Variants in PTPRG observed in about 807,000 individuals in gnomAD.
The protein encoded by PTPRG is receptor-type tyrosine-protein phosphatase gamma.
PTPRG carries 102 observed loss-of-function variants against 165.3 expected under a neutral mutation model. The ratio of observed to expected loss-of-function variants is 0.62; its 90% CI spans 0.53 to 0.73. The LOEUF is 0.73. Among genes scored for constraint, PTPRG ranks in the 30% least tolerant of loss-of-function variants. The probability of loss-of-function intolerance (pLI) is 0.00; values close to 1 mark genes in which losing one functional copy is unlikely to be tolerated. For missense variants in PTPRG, 1,866 were observed against 1,861.4 expected, an observed-to-expected ratio of 1.00 and a Z score of -0.05; for synonymous variants, 675 against 669.5, an observed-to-expected ratio of 1.01 and a Z score of -0.13.
intron 8 of PTPRG, among the ~76,000 whole-genome samples, chr3:62,173,776 G>C (rs895541443): frequency 7.2e-5 from 11 of 152,142 alleles, no homozygotes; most frequent in African/African-American, 2.4e-4. Flanking sequence ...GTGAACTTGA[G>C]GCAGCCAGTG....
chr3:61,994,890 G>A (rs2107704323), intron 3 of PTPRG, among the ~76,000 whole-genome samples: 1 of 152,192 alleles, frequency 6.6e-6, no homozygotes, highest in Non-Finnish European at 1.5e-5. Flanking sequence ...GGTCAAGCAA[G>A]TATCTGGAGT....
intron 1 of PTPRG, among the ~76,000 whole-genome samples, chr3:61,622,286 T>A (rs1254792867): frequency 6.6e-6 from 1 of 152,206 alleles, no homozygotes; most frequent in Non-Finnish European, 1.5e-5. Flanking sequence ...TAGCTTTTGG[T>A]TGCATCAGAA....
At chr3:61,724,016 G>A (rs1486026756) in intron 1 of PTPRG, among the ~76,000 whole-genome samples, 1 of 152,132 alleles carries the variant, frequency 6.6e-6, no homozygotes, top group Non-Finnish European at 1.5e-5. Flanking sequence ...TGGATCACTT[G>A]AGGTCAAGAG....
At position 61,798,739 on chromosome 3, in the gene PTPRG, G is replaced by A. The variant is rs889638507; in HGVS notation, c.190+49757G>A. On this transcript the variant is annotated intron_variant, in intron 2 of 29. Coordinates refer to ENST00000474889, the MANE Select transcript of PTPRG (RefSeq NM_002841.4). The stretch of plus-strand genomic sequence containing the variant: ...TCTGTAGCATCTTCCAATAAAAGTT[G>A]GCTCAACAACAGCCCATCTGATAAC... Among the ~76,000 whole-genome samples the A allele has an allele frequency of 9.8e-4, 148 of 151,252 alleles. 1 individual carries two copies. The highest frequency in any genetic ancestry group is 3.3e-3 in the African/African-American group (135 of 41,186).
intron 10 of PTPRG, among the ~76,000 whole-genome samples, chr3:62,199,149 T>G (rs1365543929): frequency 6.6e-6 from 1 of 152,140 alleles, no homozygotes; most frequent in East Asian, 1.9e-4. Flanking sequence ...CTGTCTTAAC[T>G]AGGGGAGGCA....
At position 62,235,260 on chromosome 3, in the gene PTPRG, G is replaced by T. The variant is rs1045007380; in HGVS notation, c.2375+3949G>T. ...GTGCCTTAAAACTGTGGCAAATGAG[G>T]TGGAGAGCCCCTCAAGCCTCAGTCC... On this transcript the variant is annotated intron_variant, in intron 14 of 29. Coordinates refer to ENST00000474889, the MANE Select transcript of PTPRG (RefSeq NM_002841.4). 5.3e-5 allele frequency among the ~76,000 whole-genome samples: 8 copies of T among 152,258 alleles called. No homozygotes were observed. The South Asian group carries it at 1.7e-3, about 32-fold the overall frequency.
intron 5 of PTPRG, among the ~76,000 whole-genome samples, chr3:62,094,420 ACTT>A (rs1309304459): frequency 6.6e-6 from 1 of 151,698 alleles, no homozygotes; most frequent in Non-Finnish European, 1.5e-5. Context: ...CTTTGGAACC[ACTT>A]CTTCTGCAGG....
chr3:62,069,054 G>A (rs1701115274), intron 4 of PTPRG, among the ~76,000 whole-genome samples: 1 of 152,186 alleles, frequency 6.6e-6, no homozygotes, highest in Non-Finnish European at 1.5e-5. Context: ...GCCACACCCT[G>A]TGGCATGACT....
intron 2 of PTPRG, among the ~76,000 whole-genome samples, chr3:61,963,394 A>G (rs904069718): frequency 2.6e-5 from 4 of 152,174 alleles, no homozygotes; most frequent in Non-Finnish European, 5.9e-5. Flanking sequence ...TATATATGGC[A>G]TCTAGAAAAA....
intron 1 of PTPRG, among the ~76,000 whole-genome samples, chr3:61,563,175 C>T (rs1191117625): frequency 8.2e-6 from 1 of 121,532 alleles, no homozygotes; most frequent in African/African-American, 2.9e-5. Flanking sequence ...TTTCGGCGGC[C>T]GGGTTGCTGT....
At chr3:61,633,498 T>C (rs1331503417) in intron 1 of PTPRG, among the ~76,000 whole-genome samples, 1 of 152,260 alleles carries the variant, frequency 6.6e-6, no homozygotes, top group Admixed American at 6.5e-5. Flanking sequence ...TCATTGCTAA[T>C]GTATAAAAAT....
intron 1 of PTPRG, among the ~76,000 whole-genome samples, chr3:61,656,193 CTGTA>C (rs1267207948): frequency 6.6e-6 from 1 of 152,136 alleles, no homozygotes; most frequent in East Asian, 1.9e-4. Context: ...GATTGTACCA[CTGTA>C]TTCCAGACTG....
intron 2 of PTPRG, among the ~76,000 whole-genome samples, chr3:61,935,761 A>G (rs893796365): frequency 2.0e-5 from 3 of 150,688 alleles, no homozygotes; most frequent in Non-Finnish European, 4.4e-5. Context: ...GTCATCATAT[A>G]TATAAAGTAT....
rs1425382589 is a variant in PTPRG at position 62,195,087 on chromosome 3, C to G, written c.1244C>G (p.Pro415Arg). The change falls in exon 10 of 30, where the codon CCC becomes CGC. Residue 415 changes from proline to arginine, a missense_variant. Physicochemically the swap from Pro to Arg is moderately radical, Grantham distance 103. This residue lies in a region of PTPRG where 1,452 missense variants were observed against 1,463.0 expected (regional missense o/e 0.99). Coordinates refer to ENST00000474889, the MANE Select transcript of PTPRG (RefSeq NM_002841.4). This position sits in a 1 kb window ranked among gnomAD's most constrained non-coding sequence, Gnocchi z 4.4. ...AAAGCCACCATTAGCCATGTCTCAC[C>G]CGATAGCCTTTACCTGTTCCGAGTC... is the stretch of plus-strand genomic sequence containing the variant. ...DLKATISHVS[P>R]DSLYLFRVQA... 1.9e-6 allele frequency: 3 copies of G among 1,614,094 alleles called. No homozygotes were observed. The highest frequency in any genetic ancestry group is 2.5e-6 in the Non-Finnish European group (3 of 1,180,046).
Position 62,211,176 on chromosome 3 carries a change from G to T in PTPRG, c.2155+7226G>T, listed in dbSNP as rs112454751. On this transcript the variant is annotated intron_variant, in intron 12 of 29. Transcript: ENST00000474889. ...ATACAATGAAATAACTGTTTAGCCT[G>T]TAAAAGGAACGAAATCCTCTCACAT... Among the ~76,000 whole-genome samples, 540 of 152,334 alleles carry T rather than the reference G, an allele frequency of 3.5e-3. 6 individuals are homozygous for T. The highest frequency in any genetic ancestry group is 0.012 in the African/African-American group (518 of 41,570).
chr3:61,976,983 G>A (rs944294813), intron 2 of PTPRG, among the ~76,000 whole-genome samples: 1 of 151,934 alleles, frequency 6.6e-6, no homozygotes, highest in African/African-American at 2.4e-5. Flanking sequence ...GCTTATAGGG[G>A]TCTTTTTCTC....
At chr3:61,579,713 T>C (rs1700240452) in intron 1 of PTPRG, among the ~76,000 whole-genome samples, 1 of 152,188 alleles carries the variant, frequency 6.6e-6, no homozygotes, top group South Asian at 2.1e-4. Context: ...GAATTGCACT[T>C]ATTGGATTGA....
Position 62,267,839 on chromosome 3 carries a change from C to G in PTPRG, c.2874+20C>G. 1 of 1,608,442 alleles carries G rather than the reference C, an allele frequency of 6.2e-7. No homozygotes were observed. The highest frequency in any genetic ancestry group is 8.5e-7 in the Non-Finnish European group (1 of 1,177,654). ...GGAAGAGTAAGAGCCTTTTGACTCA[C>G]TATCTTAATAATGCACCTTCATTCA... On this transcript the variant is annotated intron_variant, in intron 19 of 29. Transcript: ENST00000474889.
intron 16 of PTPRG, among the ~76,000 whole-genome samples, chr3:62,258,347 T>C (rs972284491): frequency 6.6e-6 from 1 of 152,130 alleles, no homozygotes; most frequent in Non-Finnish European, 1.5e-5. Context: ...GATACAAATA[T>C]GAATTAGAGT....
Sources: gnomAD v4.1 joint callset for allele counts (sites outside exome capture counted in the v4.1 genomes callset) on GRCh38, gnomAD v4.1.1 for gene constraint, gnomAD v4.1.1 regional missense constraint, Gnocchi (gnomAD v3.1) non-coding constraint, MANE v1.5 for transcripts, NCBI Gene and HGNC (gene_info 2026-07-23, HGNC 2026-07-21) for gene names.